The following CNTNAP2 variants were observed in gnomAD, a reference collection of about 807,000 sequenced individuals.
CNTNAP2 encodes contactin-associated protein-like 2.
Under a neutral mutation model 155.2 loss-of-function variants are expected in CNTNAP2, and 98 were observed. That is an observed-to-expected ratio of 0.63 (90% CI 0.54 to 0.75). The LOEUF (loss-of-function observed/expected upper bound fraction) is 0.75, where lower values mean the gene tolerates loss of function less well. CNTNAP2 is among the 30% of genes least tolerant of loss of function. CNTNAP2 has a pLI of 0.00. For missense variants in CNTNAP2, 1,727 were observed against 1,688.1 expected, an observed-to-expected ratio of 1.02 and a Z score of -0.40; for synonymous variants, 651 against 631.2, an observed-to-expected ratio of 1.03 and a Z score of -0.47.
At chr7:148,208,303 A>T (rs1795488373) in intron 18 of CNTNAP2, among the ~76,000 whole-genome samples, 1 of 152,210 alleles carries the variant, frequency 6.6e-6, no homozygotes, top group Non-Finnish European at 1.5e-5. Context: ...GGAGAGGATC[A>T]GATTTGTGGG....
intron 12 of CNTNAP2, among the ~76,000 whole-genome samples, chr7:147,613,860 A>G (rs1801234250): frequency 1.3e-5 from 2 of 152,156 alleles, no homozygotes; most frequent in Non-Finnish European, 2.9e-5. Context: ...AAAAGAAATA[A>G]TAGAAATGTT....
chr7:147,625,004 A>G (rs188899242), intron 12 of CNTNAP2, among the ~76,000 whole-genome samples: 25 of 152,312 alleles, frequency 1.6e-4, no homozygotes, highest in Admixed American at 3.9e-4. Flanking sequence ...TAAGCCAGGC[A>G]CAGAAAGACA....
intron 1 of CNTNAP2, among the ~76,000 whole-genome samples, chr7:146,632,192 C>T (rs551356612): frequency 7.7e-4 from 117 of 152,210 alleles, no homozygotes; most frequent in African/African-American, 2.7e-3. Context: ...ATCAGGAAAC[C>T]TTAGTGGATT....
At chr7:146,654,642 G>A (rs966919879) in intron 1 of CNTNAP2, among the ~76,000 whole-genome samples, 1 of 152,092 alleles carries the variant, frequency 6.6e-6, no homozygotes, top group Non-Finnish European at 1.5e-5. Flanking sequence ...ATAGTGATTT[G>A]GTTGCATAAT....
chr7:146,903,156 G>A (rs1274815534), intron 3 of CNTNAP2, among the ~76,000 whole-genome samples: 3 of 152,202 alleles, frequency 2.0e-5, no homozygotes, highest in Non-Finnish European at 4.4e-5. Context: ...GGTAATGCCA[G>A]ACTCACTTCT....
intron 13 of CNTNAP2, among the ~76,000 whole-genome samples, chr7:147,753,454 G>A (rs1481628557): frequency 6.6e-6 from 1 of 152,082 alleles, no homozygotes; most frequent in South Asian, 2.1e-4. Context: ...AAAATTATAC[G>A]CAGACTAAAT....
chr7:148,248,564 T>A (rs1349682661), intron 20 of CNTNAP2, among the ~76,000 whole-genome samples: 1 of 152,180 alleles, frequency 6.6e-6, no homozygotes, highest in Non-Finnish European at 1.5e-5. Flanking sequence ...TGAGGTTCCT[T>A]CTTCTTGTCG....
chr7:147,236,530 T>C (rs1237367474), intron 8 of CNTNAP2, among the ~76,000 whole-genome samples: 2 of 152,074 alleles, frequency 1.3e-5, no homozygotes, highest in Non-Finnish European at 2.9e-5. Flanking sequence ...TTATTGTTTG[T>C]ACTCACTCTC....
chr7:146,815,195 T>C (rs947979470), intron 2 of CNTNAP2, among the ~76,000 whole-genome samples: 3 of 152,142 alleles, frequency 2.0e-5, no homozygotes, highest in African/African-American at 7.2e-5. Context: ...CAAATAACAA[T>C]ACCACATTGC....
intron 1 of CNTNAP2, among the ~76,000 whole-genome samples, chr7:146,529,786 G>A (rs1350047613): frequency 5.9e-5 from 9 of 151,980 alleles, no homozygotes; most frequent in Admixed American, 5.9e-4. Flanking sequence ...CCAACATGGT[G>A]AAACCCCGTC....
intron 4 of CNTNAP2, among the ~76,000 whole-genome samples, chr7:147,098,915 C>T (rs1313916976): frequency 6.6e-6 from 1 of 152,054 alleles, no homozygotes; most frequent in Non-Finnish European, 1.5e-5. Flanking sequence ...ACAATTATTA[C>T]TTTATTAAAA....
At chr7:146,646,671 C>G (rs1312524848) in intron 1 of CNTNAP2, among the ~76,000 whole-genome samples, 2 of 152,142 alleles carry the variant, frequency 1.3e-5, no homozygotes. Context: ...CTGATTAAAA[C>G]CATTCTTGTT....
chr7:146,818,974 T>C (rs1047112614), intron 2 of CNTNAP2, among the ~76,000 whole-genome samples: 2 of 152,062 alleles, frequency 1.3e-5, no homozygotes, highest in African/African-American at 2.4e-5. Flanking sequence ...ATACAAAAAA[T>C]GTGGAGTTTT....
intron 13 of CNTNAP2, among the ~76,000 whole-genome samples, chr7:147,769,557 A>G (rs1256091105): frequency 1.3e-5 from 2 of 152,300 alleles, no homozygotes; most frequent in East Asian, 1.9e-4. Context: ...TTTTGATGGA[A>G]TAAGTGGTAG....
chr7:147,902,087 T>C (rs1799879058), intron 13 of CNTNAP2, among the ~76,000 whole-genome samples: 1 of 152,204 alleles, frequency 6.6e-6, no homozygotes, highest in African/African-American at 2.4e-5. Context: ...AATTGTATGG[T>C]GTAGAATCAG....
chr7:147,252,535 C>T (rs885610), intron 8 of CNTNAP2, among the ~76,000 whole-genome samples: 26,027 of 151,934 alleles, frequency 0.17, 3,484 homozygotes, highest in East Asian at 0.71. Flanking sequence ...CTCTATAAAG[C>T]AGGGATAATA....
intron 1 of CNTNAP2, among the ~76,000 whole-genome samples, chr7:146,161,189 T>C (rs891316370): frequency 2.0e-5 from 3 of 152,150 alleles, no homozygotes; most frequent in African/African-American, 7.2e-5. Context: ...TAGGTATTGA[T>C]GGGACGTATC....
At chr7:147,934,903 A>G (rs1214068309) in intron 14 of CNTNAP2, among the ~76,000 whole-genome samples, 1 of 152,220 alleles carries the variant, frequency 6.6e-6, no homozygotes, top group Admixed American at 6.5e-5. Context: ...TATCCAGTCT[A>G]TTACAGTTTA....
chr7:146,691,656 A>G (rs1313315473), intron 1 of CNTNAP2, among the ~76,000 whole-genome samples: 3 of 152,100 alleles, frequency 2.0e-5, no homozygotes, highest in Non-Finnish European at 4.4e-5. Flanking sequence ...ACAAAATGGC[A>G]GAGGATTCTT....
Sources: gnomAD v4.1 joint callset for allele counts (sites outside exome capture counted in the v4.1 genomes callset) on GRCh38, gnomAD v4.1.1 for gene constraint, MANE v1.5 for transcripts, NCBI Gene and HGNC (gene_info 2026-07-23, HGNC 2026-07-21) for gene names.